The following SPATA22 variants were observed in gnomAD, a reference collection of about 807,000 sequenced individuals.
SPATA22 encodes spermatogenesis associated 22.
In SPATA22, 29 loss-of-function variants were observed where a neutral mutation model predicts 47.8. That is an observed-to-expected ratio of 0.61 (90% CI 0.45 to 0.83). The LOEUF (loss-of-function observed/expected upper bound fraction) is 0.83. Ranked by LOEUF, SPATA22 falls within the 40% of genes least tolerant of loss-of-function variation. The pLI is 0.00. For synonymous variants in SPATA22, 133 were observed against 140.9 expected, an observed-to-expected ratio of 0.94 and a Z score of 0.40; for missense variants, 410 against 421.7, an observed-to-expected ratio of 0.97 and a Z score of 0.24.
At chr17:3,478,099 G>T (rs1300715171) in intron 1 of SPATA22, among the ~76,000 whole-genome samples, 1 of 152,084 alleles carries the variant, frequency 6.6e-6, no homozygotes, top group East Asian at 1.9e-4. Context: ...GCAGGAGAAT[G>T]GCGTGAACCT....
chr17:3,449,469 T>C (rs989200663), intron 5 of SPATA22, among the ~76,000 whole-genome samples: 34 of 152,370 alleles, frequency 2.2e-4, no homozygotes, highest in African/African-American at 7.5e-4. Flanking sequence ...AATGATAGCA[T>C]TCTTCATATG....
upstream of SPATA22, chr17:3,474,220 G>A (rs980461744): frequency 6.6e-6 from 1 of 152,168 alleles, no homozygotes; most frequent in African/African-American, 2.4e-5. Context: ...TCTCAAAAAA[G>A]TTATTCATTT....
chr17:3,492,237 C>T (rs946271468), intron 1 of SPATA22, among the ~76,000 whole-genome samples: 1 of 152,158 alleles, frequency 6.6e-6, no homozygotes, highest in African/African-American at 2.4e-5. Flanking sequence ...CTTTTTGAGG[C>T]TGTAAGAAGT....
chr17:3,483,121 A>G (rs1444392483), intron 1 of SPATA22, among the ~76,000 whole-genome samples: 1 of 152,092 alleles, frequency 6.6e-6, no homozygotes, highest in Admixed American at 6.5e-5. Flanking sequence ...GGACCACAGG[A>G]ATAGAAACAG....
chr17:3,462,436 G>A, intron 5 of SPATA22, 47 bp downstream of exon 5: 1 of 1,324,050 alleles, frequency 7.6e-7, no homozygotes, highest in Non-Finnish European at 1.1e-6. Context: ...AGGAAGACAG[G>A]AAAATGAGAA....
intron 1 of SPATA22, among the ~76,000 whole-genome samples, chr17:3,487,006 T>C (rs374479131): frequency 3.3e-5 from 5 of 152,106 alleles, no homozygotes; most frequent in African/African-American, 1.2e-4. Flanking sequence ...CTGAGAAAGT[T>C]AGGAGAGGGC....
At position 3,467,473 on chromosome 17, in the gene SPATA22, C is replaced by T; in HGVS notation, c.125G>A (p.Gly42Asp). Reference protein sequence around the residue: ...LTSNPLKDDSGISTPSDNYDF... With the variant: ...LTSNPLKDDSDISTPSDNYDF... ...ATAATTGTCAGAAGGGGTACTGATA[C>T]CTGAATCATCTTTAAGTGGATTAGA... Residue 42 changes from glycine to aspartate, a missense_variant, in exon 3 of 9, where the codon GGT (glycine) becomes GAT (aspartate). Gly to Asp is a moderately conservative substitution (Grantham distance 94). Transcript: ENST00000572969. 1.2e-6 allele frequency: 2 copies of T among 1,608,634 alleles called. No homozygotes were observed. The highest frequency in any genetic ancestry group is 8.5e-7 in the Non-Finnish European group (1 of 1,177,422).
intron 5 of SPATA22, among the ~76,000 whole-genome samples, chr17:3,460,678 G>C (rs1477166044): frequency 6.7e-6 from 1 of 149,776 alleles, no homozygotes; most frequent in African/African-American, 2.5e-5. Flanking sequence ...AGTCAGTCCC[G>C]CCTACTCAGG....
chr17:3,470,190 G>A lies in SPATA22; in HGVS notation c.-73-792C>T, dbSNP rs1254534372. ...CTCCATTTCCACAACTTCAACAAGT[G>A]AAACAAGTTTTTCCTTAGTTTTCTT... On this transcript the variant is annotated intron_variant, in intron 1 of 8. Coordinates refer to ENST00000572969, the MANE Select transcript of SPATA22 (RefSeq NM_001170698.2). Among the ~76,000 whole-genome samples the A allele has an allele frequency of 4.0e-5, 6 of 149,700 alleles. 1 individual carries two copies. The highest frequency in any genetic ancestry group is 8.9e-5 in the Non-Finnish European group (6 of 67,658).
At position 3,506,515 on chromosome 17, in the gene SPATA22, A is replaced by ATGTTTAATTTAG. The variant is rs2074041839; in HGVS notation, c.-74+6896_-74+6897insCTAAATTAAACA. Among the ~76,000 whole-genome samples the ATGTTTAATTTAG allele has an allele frequency of 2.0e-5, 3 of 152,280 alleles. No individual in the cohort carries two copies. In the South Asian group the frequency reaches 6.3e-4, roughly 32 times the overall value. ...GCCCCATTAGCTACAGATAGACTAA[A>ATGTTTAATTTAG]TGTTTAACAGAAAAACGTCATTTTT... On this transcript the variant is annotated intron_variant, in intron 1 of 8. Transcript: ENST00000541913.
chr17:3,469,135 A>G (rs1442265856), intron 2 of SPATA22, 148 bp downstream of exon 2: 3 of 456,432 alleles, frequency 6.6e-6, no homozygotes, highest in African/African-American at 2.0e-5. Context: ...TGTCTTGAGT[A>G]AGTTATTTTA....
chr17:3,484,214 T>C (rs1388703992), intron 1 of SPATA22, among the ~76,000 whole-genome samples: 1 of 152,182 alleles, frequency 6.6e-6, no homozygotes, highest in Non-Finnish European at 1.5e-5. Context: ...GACCCTCCTC[T>C]ATAGCATTAA....
upstream of SPATA22, chr17:3,475,603 A>AG (rs1175594633): frequency 6.4e-6 from 1 of 155,186 alleles, no homozygotes; most frequent in African/African-American, 2.4e-5. Flanking sequence ...GAGGTCTCTG[A>AG]GGGTCAGCCT....
chr17:3,487,436 T>C (rs955755903), intron 1 of SPATA22, among the ~76,000 whole-genome samples: 1 of 152,230 alleles, frequency 6.6e-6, no homozygotes, highest in African/African-American at 2.4e-5. Flanking sequence ...TTGGCTCAAC[T>C]TGTAAGGGCC....
Position 3,459,874 on chromosome 17 carries a change from A to C in SPATA22, c.329+2609T>G, listed in dbSNP as rs371963901. On this transcript the variant is annotated intron_variant, in intron 5 of 8. Transcript: ENST00000572969. ...CCTGAGCAAGTTGAAGGAGATCTAA[A>C]AGTTTAAAAATTTAGTTATATGGAT... 1.9e-4 allele frequency among the ~76,000 whole-genome samples: 29 copies of C among 152,306 alleles called. 1 individual carries two copies. The East Asian group carries it at 3.7e-3, about 19-fold the overall frequency.
In SPATA22 at chr17:3,443,250, G is replaced by T. The variant is rs200005430; in HGVS notation, c.824C>A (p.Thr275Lys). 3.1e-6 allele frequency: 5 copies of T among 1,610,100 alleles called. No homozygotes were observed. The African/African-American group carries it at 4.0e-5, about 13-fold the overall frequency. Residue 275 changes from threonine to lysine, a missense_variant, in exon 8 of 9, where the codon ACA becomes AAA. Thr to Lys is a moderately conservative substitution (Grantham distance 78, BLOSUM62 -1). Coordinates refer to ENST00000572969, the MANE Select transcript of SPATA22 (RefSeq NM_001170698.2). ...AGTCTTCGAATAATATGGGCCAGGTGTAACAGCTGAATCAAGAACAGCTAA... is the reference window on the plus strand; with the variant it reads ...AGTCTTCGAATAATATGGGCCAGGTTTAACAGCTGAATCAAGAACAGCTAA... ...EVLAVLDSAV[T>K]PGPYYSKTFL...
intron 1 of SPATA22, among the ~76,000 whole-genome samples, chr17:3,482,333 C>T (rs754213933): frequency 5.3e-5 from 8 of 152,144 alleles, no homozygotes; most frequent in African/African-American, 9.7e-5. Flanking sequence ...CCCCAGAATA[C>T]GTCTAATCTT....
At chr17:3,474,212 T>TG (rs2073488643), upstream of SPATA22, 1 of 152,212 alleles carries the variant, frequency 6.6e-6, no homozygotes, top group Non-Finnish European at 1.5e-5. Context: ...TCATTAACTC[T>TG]CAAAAAAGTT....
intron 3 of SPATA22, among the ~76,000 whole-genome samples, chr17:3,463,582 T>A (rs1266979852): frequency 6.6e-6 from 1 of 152,162 alleles, no homozygotes; most frequent in Non-Finnish European, 1.5e-5. Context: ...GATTAAGTGG[T>A]GAGTGAATAC....
Sources: gnomAD v4.1 joint callset for allele counts (sites outside exome capture counted in the v4.1 genomes callset) on GRCh38, gnomAD v4.1.1 for gene constraint, MANE v1.5 for transcripts, NCBI Gene and HGNC (gene_info 2026-07-23, HGNC 2026-07-21) for gene names.